BACH2: variants seen among roughly 807,000 people sequenced by gnomAD.
BACH2 encodes the protein transcription regulator protein BACH2.
BACH2 carries 5 observed loss-of-function variants against 61.8 expected under a neutral mutation model. The ratio of observed to expected loss-of-function variants is 0.08; its 90% CI spans 0.04 to 0.17. The LOEUF is 0.17. Among genes scored for constraint, BACH2 ranks in the 10% least tolerant of loss-of-function variants. The pLI, the probability that BACH2 is intolerant of heterozygous loss-of-function variation, is 1.00. For synonymous variants in BACH2, 446 were observed against 440.1 expected (o/e 1.01, Z -0.17); for missense variants, 824 against 1,091.1 (o/e 0.76, Z 3.45).
In BACH2 at chr6:90,154,354, T is replaced by TC. The variant is rs563184481; in HGVS notation, c.-162+52214_-162+52215insG. Reference sequence around the variant, plus strand: ...AGCCCAATCACGTCAAAAAGATCAATTTTTAGGAGAAGTGTAGTCAATAGT... The same window carrying TC: ...AGCCCAATCACGTCAAAAAGATCAATCTTTTAGGAGAAGTGTAGTCAATAGT... On this transcript the variant is annotated intron_variant, in intron 4 of 8. Transcript: ENST00000257749. Among the ~76,000 whole-genome samples the TC allele has an allele frequency of 4.5e-3, 681 of 152,272 alleles. 3 individuals carry two copies. The highest frequency in any genetic ancestry group is 7.6e-3 in the Non-Finnish European group (518 of 68,014).
At chr6:89,936,105 C>A (rs1192181529) in intron 8 of BACH2, among the ~76,000 whole-genome samples, 1 of 152,238 alleles carries the variant, frequency 6.6e-6, no homozygotes, top group African/African-American at 2.4e-5. Context: ...GGGTCCAACA[C>A]TGGATATTCA....
chr6:90,031,432 C>T (rs1427332706), intron 5 of BACH2, among the ~76,000 whole-genome samples: 2 of 152,180 alleles, frequency 1.3e-5, no homozygotes, highest in Non-Finnish European at 2.9e-5. Flanking sequence ...TTGCAGATGA[C>T]ATGATTGTAT....
chr6:90,276,920 C>G (rs370800133), intron 1 of BACH2, among the ~76,000 whole-genome samples: 179 of 152,254 alleles, frequency 1.2e-3, no homozygotes, highest in African/African-American at 4.0e-3. Flanking sequence ...CAAATTCTCT[C>G]TATATGAGAA....
At chr6:90,285,152 A>C (rs1453532388) in intron 1 of BACH2, among the ~76,000 whole-genome samples, 2 of 152,228 alleles carry the variant, frequency 1.3e-5, no homozygotes, top group Admixed American at 1.3e-4. Flanking sequence ...AATAAGCAAA[A>C]CTGAACTCTG....
intron 4 of BACH2, among the ~76,000 whole-genome samples, chr6:90,120,525 C>T (rs143167449): frequency 1.3e-5 from 2 of 152,314 alleles, no homozygotes; most frequent in South Asian, 2.1e-4. Flanking sequence ...TTTGCATAAC[C>T]ATAAGCCTCC....
At chr6:89,978,633 TAAAAAAA>T (rs753724278) in intron 6 of BACH2, among the ~76,000 whole-genome samples, 25 of 86,054 alleles carry the variant, frequency 2.9e-4, no homozygotes, top group Non-Finnish European at 4.3e-4. Flanking sequence ...GTGTTGGCTT[TAAAAAAA>T]AAAAAAAAAA....
chr6:89,982,866 T>C (rs1776035603), intron 6 of BACH2, among the ~76,000 whole-genome samples: 1 of 152,214 alleles, frequency 6.6e-6, no homozygotes, highest in Admixed American at 6.5e-5. Flanking sequence ...ATCTCCCCCA[T>C]ATCTCTTCAG....
chr6:90,023,883 T>C (rs970415859), intron 5 of BACH2, among the ~76,000 whole-genome samples: 1 of 152,142 alleles, frequency 6.6e-6, no homozygotes, highest in Non-Finnish European at 1.5e-5. Flanking sequence ...CTGTGAGAAA[T>C]AAATGTTTGT....
intron 6 of BACH2, among the ~76,000 whole-genome samples, chr6:89,982,071 A>G (rs950104009): frequency 6.6e-6 from 1 of 152,040 alleles, no homozygotes; most frequent in Non-Finnish European, 1.5e-5. Context: ...CACAGGCTCA[A>G]GCAATCCTCC....
intron 6 of BACH2, among the ~76,000 whole-genome samples, chr6:90,006,243 T>TA (rs1562362764): frequency 6.6e-6 from 1 of 152,178 alleles, no homozygotes; most frequent in Admixed American, 6.5e-5. Context: ...AAAAGAGACT[T>TA]ACGTTTGTCA....
At chr6:90,154,440 C>A (rs1187553363) in intron 4 of BACH2, among the ~76,000 whole-genome samples, 1 of 152,152 alleles carries the variant, frequency 6.6e-6, no homozygotes, top group African/African-American at 2.4e-5. Context: ...GTAATCTACT[C>A]CTTTTATAGA....
chr6:89,960,540 T>C (rs1488124864), intron 6 of BACH2, among the ~76,000 whole-genome samples: 3 of 152,272 alleles, frequency 2.0e-5, no homozygotes, highest in Non-Finnish European at 4.4e-5. Context: ...GCAGTACATC[T>C]TTTGGTATGC....
chr6:90,052,361 C>G (rs1173982705), intron 5 of BACH2, among the ~76,000 whole-genome samples: 1 of 151,606 alleles, frequency 6.6e-6, no homozygotes, highest in Non-Finnish European at 1.5e-5. Flanking sequence ...AAAACCTTAT[C>G]AATAGGTAGT....
At chr6:90,124,782 T>C (rs1209667247) in intron 4 of BACH2, among the ~76,000 whole-genome samples, 2 of 152,216 alleles carry the variant, frequency 1.3e-5, no homozygotes, top group East Asian at 3.8e-4. Flanking sequence ...TATTTTTGGG[T>C]AAATCCCTAG....
intron 5 of BACH2, among the ~76,000 whole-genome samples, chr6:90,009,571 T>C (rs1247887573): frequency 2.0e-5 from 3 of 152,268 alleles, no homozygotes; most frequent in Non-Finnish European, 4.4e-5. Context: ...AAACACAATA[T>C]ATCACAATAG....
intron 5 of BACH2, among the ~76,000 whole-genome samples, chr6:90,014,440 G>GTGTATATATATATA (rs1330299169): frequency 2.1e-5 from 1 of 48,036 alleles, no homozygotes. Flanking sequence ...GTGTGTGTGT[G>GTGTATATATATATA]TATATATATA....
intron 5 of BACH2, among the ~76,000 whole-genome samples, chr6:90,085,734 T>C (rs1231570408): frequency 6.6e-6 from 1 of 152,178 alleles, no homozygotes; most frequent in African/African-American, 2.4e-5. Context: ...CTGTTCTTCC[T>C]GCACCCTCAC....
chr6:90,050,173 T>A (rs889720498), intron 5 of BACH2, among the ~76,000 whole-genome samples: 1 of 152,212 alleles, frequency 6.6e-6, no homozygotes, highest in African/African-American at 2.4e-5. Context: ...TTTTGAACAT[T>A]AAAATAGTGT....
At chr6:90,084,395 G>C (rs1009445215) in intron 5 of BACH2, among the ~76,000 whole-genome samples, 11 of 151,750 alleles carry the variant, frequency 7.2e-5, no homozygotes, top group Admixed American at 7.2e-4. Flanking sequence ...CTCATGGGGG[G>C]GGAATTTATT....
Sources: allele counts gnomAD v4.1 joint callset (sites outside exome capture counted in the v4.1 genomes callset), GRCh38; gene constraint gnomAD v4.1.1; transcripts MANE v1.5; gene names NCBI Gene and HGNC (gene_info 2026-07-23, HGNC 2026-07-21).